Variants in CLASP1 observed in about 807,000 individuals in gnomAD.
CLASP1 encodes the protein CLIP-associating protein 1.
Under a neutral mutation model 192.3 loss-of-function variants are expected in CLASP1, and 38 were observed. That is an observed-to-expected ratio of 0.20 (90% CI 0.15 to 0.26). The LOEUF (loss-of-function observed/expected upper bound fraction) is 0.26. Among genes scored for constraint, CLASP1 ranks in the 10% least tolerant of loss-of-function variants. The pLI is 1.00. For synonymous variants in CLASP1, 691 were observed against 712.8 expected (o/e 0.97, Z 0.49); for missense variants, 1,433 against 1,932.5 (o/e 0.74, Z 4.85).
intron 8 of CLASP1, among the ~76,000 whole-genome samples, chr2:121,499,114 C>A (rs575967446): frequency 6.6e-5 from 10 of 152,318 alleles, no homozygotes; most frequent in African/African-American, 2.2e-4. Context: ...CACATGAAAT[C>A]TTTTACATCA....
At chr2:121,409,671 C>T (rs1282870847) in intron 24 of CLASP1, among the ~76,000 whole-genome samples, 1 of 152,108 alleles carries the variant, frequency 6.6e-6, no homozygotes, top group African/African-American at 2.4e-5. Context: ...CCATCATTTC[C>T]CACCCCTTTG....
At chr2:121,367,746 T>C in exon 35 of CLASP1, 2 of 1,613,898 alleles carry the variant, frequency 1.2e-6, no homozygotes, top group Non-Finnish European at 1.7e-6. Flanking sequence ...TGAGGTCTTG[T>C]TATCCAGAGC....
At chr2:121,492,913 T>A (rs1444983622) in intron 8 of CLASP1, among the ~76,000 whole-genome samples, 1 of 152,178 alleles carries the variant, frequency 6.6e-6, no homozygotes, top group Non-Finnish European at 1.5e-5. Context: ...TAGACAAAGG[T>A]AGAAACAATC....
At chr2:121,492,478 T>C (rs1052492195) in intron 8 of CLASP1, among the ~76,000 whole-genome samples, 1 of 149,258 alleles carries the variant, frequency 6.7e-6, no homozygotes, top group Non-Finnish European at 1.5e-5. Context: ...TCATATACAG[T>C]TCAACAACAA....
Position 121,404,988 on chromosome 2 carries a change from G to C in CLASP1, c.2670-554C>G, listed in dbSNP as rs182966723. Among the ~76,000 whole-genome samples, 58 of 152,312 alleles carry C rather than the reference G, an allele frequency of 3.8e-4. No homozygotes were observed. In the East Asian group the frequency reaches 0.011, roughly 29 times the overall value. ...ATGTGTTTCAGGGTCAGACAGATCT[G>C]GATTTTAATCTCAGTTCTGCTGTAA... On this transcript the variant is annotated intron_variant, in intron 25 of 39. Transcript: ENST00000263710.
intron 10 of CLASP1, 109 bp downstream of exon 10, chr2:121,462,423 T>C: frequency 1.6e-6 from 1 of 637,866 alleles, no homozygotes; most frequent in East Asian, 2.8e-5. Flanking sequence ...GTGCTGACAG[T>C]TAAAATTACC....
chr2:121,554,456 A>T (rs2058346691), intron 2 of CLASP1, among the ~76,000 whole-genome samples: 3 of 49,462 alleles, frequency 6.1e-5, no homozygotes, highest in Non-Finnish European at 1.2e-4. Flanking sequence ...ACAAAAAGTA[A>T]AAAAAAAAAA....
intron 2 of CLASP1, among the ~76,000 whole-genome samples, chr2:121,598,193 T>G (rs2063368169): frequency 6.6e-6 from 1 of 152,236 alleles, no homozygotes. Context: ...CGCCATGGTG[T>G]AGCATAGTGC....
intron 29 of CLASP1, 76 bp downstream of exon 30, chr2:121,398,246 G>A: frequency 9.8e-7 from 1 of 1,021,026 alleles, no homozygotes. Flanking sequence ...GCTAAACATG[G>A]GTCATACATA....
chr2:121,603,960 C>A (rs561889201), intron 2 of CLASP1, among the ~76,000 whole-genome samples: 2 of 152,178 alleles, frequency 1.3e-5, no homozygotes, highest in African/African-American at 4.8e-5. Flanking sequence ...TTAAAGAATA[C>A]AAAATTACAG....
chr2:121,646,873 T>C (rs1011981426), intron 1 of CLASP1, among the ~76,000 whole-genome samples: 10 of 150,866 alleles, frequency 6.6e-5, no homozygotes, highest in African/African-American at 2.4e-4. Context: ...CCGTCTCTAC[T>C]AAGAAAACGC....
chr2:121,493,606 AC>A lies in CLASP1; in HGVS notation c.712+9560del, dbSNP rs370725258. The stretch of plus-strand genomic sequence containing the variant: ...TCTGGGCAAAGATTTTTTCAGTAAC[AC>A]CCCACAAGTATGGGCAACCAAAGCA... On this transcript the variant is annotated intron_variant, in intron 8 of 39. Coordinates refer to ENST00000263710, the Ensembl canonical transcript of CLASP1. Among the ~76,000 whole-genome samples the A allele has an allele frequency of 4.9e-3, 749 of 152,240 alleles. 9 individuals are homozygous for A. Among genetic ancestry groups the A allele is most frequent in the African/African-American group, 0.017 (726 of 41,552 alleles).
chr2:121,646,367 CA>C (rs35993315), intron 1 of CLASP1, among the ~76,000 whole-genome samples: 2 of 152,164 alleles, frequency 1.3e-5, no homozygotes, highest in African/African-American at 2.4e-5. Flanking sequence ...CTTGGCCTCC[CA>C]AAATGCTAGC....
At chr2:121,582,136 C>A (rs1306146699) in intron 2 of CLASP1, among the ~76,000 whole-genome samples, 1 of 151,306 alleles carries the variant, frequency 6.6e-6, no homozygotes, top group Non-Finnish European at 1.5e-5. Context: ...CTACTCCAGC[C>A]TGGGCGACAG....
chr2:121,450,446 G>A (rs1192285167), intron 16 of CLASP1, among the ~76,000 whole-genome samples: 2 of 152,120 alleles, frequency 1.3e-5, no homozygotes, highest in Non-Finnish European at 1.5e-5. Context: ...GAAACAACAA[G>A]TTATCACTGT....
chr2:121,520,793 C>A (rs1575621958), intron 6 of CLASP1, among the ~76,000 whole-genome samples: 7 of 152,218 alleles, frequency 4.6e-5, no homozygotes, highest in Admixed American at 4.6e-4. Flanking sequence ...GCCTCTGTTA[C>A]AGCCACTGCC....
At chr2:121,383,042 C>G (rs1403331371) in intron 32 of CLASP1, among the ~76,000 whole-genome samples, 1 of 152,234 alleles carries the variant, frequency 6.6e-6, no homozygotes, top group Non-Finnish European at 1.5e-5. Context: ...AAGTATTCAC[C>G]TTCCCTTCAT....
intron 39 of CLASP1, among the ~76,000 whole-genome samples, chr2:121,343,966 G>A (rs2149093989): frequency 6.6e-6 from 1 of 152,190 alleles, no homozygotes; most frequent in African/African-American, 2.4e-5. Context: ...AGCTACTCAG[G>A]AGGCTGAAGC....
At chr2:121,428,930 A>C (rs1045270018) in intron 20 of CLASP1, among the ~76,000 whole-genome samples, 1 of 152,314 alleles carries the variant, frequency 6.6e-6, no homozygotes, top group East Asian at 1.9e-4. Context: ...AATGGCTCAC[A>C]AAGGTTAAAA....
Sources: allele counts gnomAD v4.1 joint callset (sites outside exome capture counted in the v4.1 genomes callset), GRCh38; gene constraint gnomAD v4.1.1; transcripts MANE v1.5; gene names NCBI Gene and HGNC (gene_info 2026-07-23, HGNC 2026-07-21).